EEFSEC: variants seen among roughly 807,000 people sequenced by gnomAD.
EEFSEC encodes eukaryotic elongation factor, selenocysteine-tRNA specific, also known as selenocysteine-specific elongation factor.
Under a neutral mutation model 42.1 loss-of-function variants are expected in EEFSEC, and 43 were observed. That is an observed-to-expected ratio of 1.02 (90% CI 0.80 to 1.32). The LOEUF (loss-of-function observed/expected upper bound fraction) is 1.32. Ranked by LOEUF, EEFSEC falls within the 40% of genes most tolerant of loss-of-function variation. EEFSEC has a pLI of 0.00. For synonymous variants in EEFSEC, 354 were observed against 339.1 expected (o/e 1.04, Z -0.48); for missense variants, 745 against 803.6 (o/e 0.93, Z 0.88).
intron 6 of EEFSEC, among the ~76,000 whole-genome samples, chr3:128,378,792 C>T (rs1384849348): frequency 6.6e-6 from 1 of 152,198 alleles, no homozygotes; most frequent in African/African-American, 2.4e-5. Flanking sequence ...TCCCAGACAG[C>T]TCATCCCACT....
chr3:128,219,072 C>T lies in EEFSEC; in HGVS notation c.317-27764C>T, dbSNP rs149367130. Among the ~76,000 whole-genome samples, 24 of 152,300 alleles carry T rather than the reference C, an allele frequency of 1.6e-4. 1 individual carries two copies. In the East Asian group the frequency reaches 4.1e-3, roughly 26 times the overall value. On this transcript the variant is annotated intron_variant, in intron 1 of 6. Coordinates refer to ENST00000254730, the MANE Select transcript of EEFSEC (RefSeq NM_021937.5). ...GCCGAGGCCTGAGCAGAGGAGTGGA[C>T]GTTCTGTGCTGGATGCCTCTGCTCG...
Position 128,253,693 on chromosome 3 carries a change from C to T in EEFSEC, c.524+6650C>T, listed in dbSNP as rs1226299132. On this transcript the variant is annotated intron_variant, in intron 2 of 6. Transcript: ENST00000254730. Reference sequence around the variant, plus strand: ...CTTTGTGAATTATTTTTCCCTCCCTCGTTCCCTCTCCAAGCTCTCTTTTGT... The same window carrying T: ...CTTTGTGAATTATTTTTCCCTCCCTTGTTCCCTCTCCAAGCTCTCTTTTGT... Among the ~76,000 whole-genome samples, 6 of 152,116 alleles carry T rather than the reference C, an allele frequency of 3.9e-5. No homozygotes were observed. In the East Asian group the frequency reaches 5.8e-4, roughly 15 times the overall value.
chr3:128,313,122 G>A (rs1273063248), intron 4 of EEFSEC, among the ~76,000 whole-genome samples: 1 of 152,132 alleles, frequency 6.6e-6, no homozygotes, highest in East Asian at 1.9e-4. Context: ...GTAGAATCTG[G>A]GTAGAAACTG....
intron 1 of EEFSEC, among the ~76,000 whole-genome samples, chr3:128,221,573 T>C (rs571228827): frequency 5.9e-5 from 9 of 152,346 alleles, no homozygotes; most frequent in African/African-American, 2.2e-4. Flanking sequence ...TGACTCCTTA[T>C]GGCCCTGGGC....
At chr3:128,163,347 C>T (rs1043405301) in intron 1 of EEFSEC, among the ~76,000 whole-genome samples, 1 of 151,974 alleles carries the variant, frequency 6.6e-6, no homozygotes, top group African/African-American at 2.4e-5. Flanking sequence ...CACTTCACTC[C>T]AATGGCTGGT....
chr3:128,385,358 A>G (rs984534266), intron 6 of EEFSEC, among the ~76,000 whole-genome samples: 4 of 152,172 alleles, frequency 2.6e-5, no homozygotes, highest in African/African-American at 9.7e-5. Context: ...TCCTGTCTGA[A>G]GGGGCAGCCT....
intron 6 of EEFSEC, among the ~76,000 whole-genome samples, chr3:128,373,161 G>A (rs2067672948): frequency 6.6e-6 from 1 of 152,208 alleles, no homozygotes; most frequent in Non-Finnish European, 1.5e-5. Context: ...GAGAAAGGGA[G>A]GAGGAGCCAG....
chr3:128,327,487 C>T (rs1449971813), intron 4 of EEFSEC, among the ~76,000 whole-genome samples: 1 of 152,222 alleles, frequency 6.6e-6, no homozygotes, highest in Non-Finnish European at 1.5e-5. Flanking sequence ...GTTCGGAGGA[C>T]AAGGGCCATG....
intron 4 of EEFSEC, among the ~76,000 whole-genome samples, chr3:128,267,772 A>C (rs577932976): frequency 3.0e-4 from 46 of 152,380 alleles, no homozygotes; most frequent in Non-Finnish European, 6.5e-4. Flanking sequence ...TCACAGATCC[A>C]AGCAACTTAG....
intron 1 of EEFSEC, among the ~76,000 whole-genome samples, chr3:128,165,528 C>A (rs1198149001): frequency 6.6e-6 from 1 of 152,178 alleles, no homozygotes. Flanking sequence ...GGGTGATCCT[C>A]TCTTGGCAGG....
chr3:128,353,996 C>T (rs1039460557), intron 5 of EEFSEC, among the ~76,000 whole-genome samples: 1 of 152,166 alleles, frequency 6.6e-6, no homozygotes, highest in African/African-American at 2.4e-5. Flanking sequence ...TGACTTCTCT[C>T]TGCTGCTCCA....
At chr3:128,340,482 G>A (rs1302581881) in intron 4 of EEFSEC, among the ~76,000 whole-genome samples, 3 of 151,728 alleles carry the variant, frequency 2.0e-5, no homozygotes, top group Non-Finnish European at 4.4e-5. Context: ...TTTTGTTGTT[G>A]CTGTTGTTTC....
chr3:128,211,667 C>G (rs750673201), intron 1 of EEFSEC, among the ~76,000 whole-genome samples: 11 of 151,536 alleles, frequency 7.3e-5, no homozygotes, highest in Non-Finnish European at 1.5e-4. Flanking sequence ...AGGTGCATGC[C>G]ACTGTGCCCA....
chr3:128,226,995 C>A (rs1215054906), intron 1 of EEFSEC, among the ~76,000 whole-genome samples: 1 of 152,162 alleles, frequency 6.6e-6, no homozygotes, highest in Non-Finnish European at 1.5e-5. Context: ...ACCAGGGGGC[C>A]CCCCTGCCCC....
intron 1 of EEFSEC, among the ~76,000 whole-genome samples, chr3:128,204,798 T>G (rs115024854): frequency 6.6e-6 from 1 of 152,160 alleles, no homozygotes; most frequent in African/African-American, 2.4e-5. Context: ...AGTGAGACCC[T>G]CCCAAGTTGG....
intron 5 of EEFSEC, among the ~76,000 whole-genome samples, chr3:128,353,848 T>G (rs2067418948): frequency 6.6e-6 from 1 of 152,082 alleles, no homozygotes; most frequent in Non-Finnish European, 1.5e-5. Flanking sequence ...AGGGCTTTCC[T>G]AAAGATTAAA....
intron 1 of EEFSEC, among the ~76,000 whole-genome samples, chr3:128,174,638 C>G (rs1463823041): frequency 6.6e-6 from 1 of 152,134 alleles, no homozygotes; most frequent in Non-Finnish European, 1.5e-5. Flanking sequence ...GGACGTGTAG[C>G]TTTTCTGAGC....
At chr3:128,384,658 A>G (rs547085224) in intron 6 of EEFSEC, among the ~76,000 whole-genome samples, 3 of 152,334 alleles carry the variant, frequency 2.0e-5, no homozygotes, top group African/African-American at 7.2e-5. Context: ...AGGGAATGCA[A>G]CTGAGGCTGG....
intron 4 of EEFSEC, among the ~76,000 whole-genome samples, chr3:128,295,850 C>G (rs1559907762): frequency 6.6e-6 from 1 of 152,098 alleles, no homozygotes; most frequent in Non-Finnish European, 1.5e-5. Flanking sequence ...CATTCATCCT[C>G]CTGCCCAGAG....
Sources: allele counts gnomAD v4.1 joint callset (sites outside exome capture counted in the v4.1 genomes callset), GRCh38; gene constraint gnomAD v4.1.1; transcripts MANE v1.5; gene names NCBI Gene and HGNC (gene_info 2026-07-23, HGNC 2026-07-21).